POLD3: variants seen among roughly 807,000 people sequenced by gnomAD.
POLD3 encodes DNA polymerase delta subunit 3.
POLD3 carries 19 observed loss-of-function variants against 58.2 expected under a neutral mutation model. That is an observed-to-expected ratio of 0.33 (90% CI 0.23 to 0.48). The LOEUF (loss-of-function observed/expected upper bound fraction) is 0.48, where lower values mean the gene tolerates loss of function less well. Among genes scored for constraint, POLD3 ranks in the 20% least tolerant of loss-of-function variants. The pLI, the probability that POLD3 is intolerant of heterozygous loss-of-function variation, is 0.99. For synonymous variants in POLD3, 172 were observed against 193.5 expected, an observed-to-expected ratio of 0.89 and a Z score of 0.92; for missense variants, 504 against 545.5, an observed-to-expected ratio of 0.92 and a Z score of 0.76.
chr11:74,631,941 C>T (rs948209849), intron 9 of POLD3, among the ~76,000 whole-genome samples: 3 of 152,094 alleles, frequency 2.0e-5, no homozygotes, highest in African/African-American at 7.2e-5. Flanking sequence ...AGGGACTGTT[C>T]CTTTCTCTTT....
At chr11:74,598,671 G>C (rs2031368292) in intron 2 of POLD3, among the ~76,000 whole-genome samples, 1 of 152,140 alleles carries the variant, frequency 6.6e-6, no homozygotes, top group South Asian at 2.1e-4. Flanking sequence ...GCCTTTAGCT[G>C]GGGCAGTGGA....
chr11:74,637,034 A>G (rs1287169588), intron 11 of POLD3, among the ~76,000 whole-genome samples: 1 of 152,200 alleles, frequency 6.6e-6, no homozygotes, highest in Non-Finnish European at 1.5e-5. Context: ...TTGTGTTTGA[A>G]AAGAGTTGTG....
intron 11 of POLD3, among the ~76,000 whole-genome samples, chr11:74,639,924 A>T (rs982922718): frequency 6.6e-6 from 1 of 152,232 alleles, no homozygotes; most frequent in African/African-American, 2.4e-5. Flanking sequence ...CCTTCATGAT[A>T]CAGACTACTA....
At chr11:74,594,347 C>T (rs2031148390) in intron 2 of POLD3, among the ~76,000 whole-genome samples, 1 of 152,170 alleles carries the variant, frequency 6.6e-6, no homozygotes, top group Admixed American at 6.5e-5. Context: ...GAACACCAGT[C>T]ATACTGAATT....
At chr11:74,599,107 C>T (rs1485799629) in intron 2 of POLD3, among the ~76,000 whole-genome samples, 1 of 152,150 alleles carries the variant, frequency 6.6e-6, no homozygotes, top group Non-Finnish European at 1.5e-5. Flanking sequence ...AACATGGCTT[C>T]CTTTAGCCAT....
intron 7 of POLD3, among the ~76,000 whole-genome samples, chr11:74,622,376 G>A (rs1315107268): frequency 6.6e-6 from 1 of 152,138 alleles, no homozygotes; most frequent in South Asian, 2.1e-4. Context: ...AAAGGGAAAG[G>A]AAAGAAAGAA....
chr11:74,643,980 G>C (rs77274875), downstream of POLD3, among the ~76,000 whole-genome samples: 1 of 152,160 alleles, frequency 6.6e-6, no homozygotes, highest in African/African-American at 2.4e-5. Flanking sequence ...ATAGATTTCT[G>C]TAGCAGAATC....
rs143016757 is a variant in POLD3, at chr11:74,607,042, C to G, written c.219+2248C>G. On this transcript the variant is annotated intron_variant, in intron 3 of 11. Transcript: ENST00000263681. Reference sequence around the variant, plus strand: ...GGAAGCTCTGTGGAACCCTGTAGAACGAACTGACCAAATGTGGATGCTTAC... The same window carrying G: ...GGAAGCTCTGTGGAACCCTGTAGAAGGAACTGACCAAATGTGGATGCTTAC... Among the ~76,000 whole-genome samples, 1,254 of 152,064 alleles carry G rather than the reference C, an allele frequency of 8.2e-3. 13 individuals carry two copies. The highest frequency in any genetic ancestry group is 0.029 in the African/African-American group (1,193 of 41,478).
intron 4 of POLD3, among the ~76,000 whole-genome samples, chr11:74,667,455 G>A (rs972436014): frequency 1.3e-5 from 2 of 152,162 alleles, no homozygotes; most frequent in East Asian, 1.9e-4. Context: ...GTGTGAACCC[G>A]GGGGGCGGAG....
Position 74,594,105 on chromosome 11 carries a change from C to A in POLD3, c.105C>A (p.Asn35Lys). 1 of 1,595,530 alleles carries A rather than the reference C, an allele frequency of 6.3e-7. No homozygotes were observed. The highest frequency in any genetic ancestry group is 8.6e-7 in the Non-Finnish European group (1 of 1,163,356). Residue 35 changes from asparagine (N) to lysine (K), a missense_variant, in exon 2 of 12, where the codon AAC (asparagine) becomes AAA (lysine). By Grantham distance (94) the Asn-to-Lys change is moderately conservative. This residue lies in a region of POLD3 where 119 missense variants were observed against 175.0 expected (regional missense o/e 0.68). Coordinates refer to ENST00000263681, the MANE Select transcript of POLD3 (RefSeq NM_006591.3). ...WLSYTLGVHV[N>K]QAKQMLYDYV... ...GCTATACACTAGGGGTTCATGTTAA[C>A]CAGGCCAAACAGTAAGTCCAATTTA...
At chr11:74,628,044 CT>C (rs2032482266) in intron 8 of POLD3, among the ~76,000 whole-genome samples, 1 of 152,086 alleles carries the variant, frequency 6.6e-6, no homozygotes, top group African/African-American at 2.4e-5. Context: ...TTAACTAGAG[CT>C]GTTCAAATTC....
At chr11:74,656,836 A>G (rs1210290592) in intron 4 of POLD3, among the ~76,000 whole-genome samples, 1 of 151,912 alleles carries the variant, frequency 6.6e-6, no homozygotes, top group Non-Finnish European at 1.5e-5. Flanking sequence ...GGAGAAGAAT[A>G]TGTATTCTGG....
chr11:74,659,237 C>T (rs1213826113), intron 4 of POLD3, among the ~76,000 whole-genome samples: 3 of 152,202 alleles, frequency 2.0e-5, no homozygotes, highest in African/African-American at 7.2e-5. Context: ...CTTTCAGCCA[C>T]AGCTAGAGCA....
intron 3 of POLD3, among the ~76,000 whole-genome samples, chr11:74,605,238 A>G (rs1239207048): frequency 6.6e-6 from 1 of 152,138 alleles, no homozygotes; most frequent in Non-Finnish European, 1.5e-5. Flanking sequence ...TTTTGGCAGG[A>G]GCATAGCTAA....
intron 4 of POLD3, among the ~76,000 whole-genome samples, chr11:74,653,607 C>T (rs962545127): frequency 6.6e-6 from 1 of 151,720 alleles, no homozygotes; most frequent in Non-Finnish European, 1.5e-5. Flanking sequence ...CTAAAATTAC[C>T]AATGAATGTT....
At chr11:74,595,376 A>G (rs1255966224) in intron 2 of POLD3, 1 of 152,046 alleles carries the variant, frequency 6.6e-6, no homozygotes, top group South Asian at 2.1e-4. Flanking sequence ...GCATTTTCCT[A>G]ATGACTAATG....
intron 2 of POLD3, among the ~76,000 whole-genome samples, chr11:74,598,543 G>A (rs1453202848): frequency 6.6e-6 from 1 of 152,162 alleles, no homozygotes; most frequent in East Asian, 1.9e-4. Flanking sequence ...AGTGGGAATG[G>A]CTTATGTCTG....
In POLD3 at chr11:74,624,313, T is replaced by C. The variant is rs569490545; in HGVS notation, c.734-1095T>C. 3.0e-4 allele frequency among the ~76,000 whole-genome samples: 46 copies of C among 152,330 alleles called. 1 individual carries two copies. In the South Asian group the frequency reaches 9.3e-3, roughly 31 times the overall value. ...TTGAAAATGCAAGAGTATGCCATCGTTGGGAAGGTGGATTCCACCATTCGC... is the reference window on the plus strand; with the variant it reads ...TTGAAAATGCAAGAGTATGCCATCGCTGGGAAGGTGGATTCCACCATTCGC... On this transcript the variant is annotated intron_variant, in intron 7 of 11. Transcript: ENST00000263681.
At chr11:74,615,116 T>C (rs1223067865) in intron 5 of POLD3, among the ~76,000 whole-genome samples, 3 of 152,220 alleles carry the variant, frequency 2.0e-5, no homozygotes, top group African/African-American at 7.2e-5. Flanking sequence ...GCCAAAGTAC[T>C]AGTTGTCTGA....
Sources: gnomAD v4.1 joint callset for allele counts (sites outside exome capture counted in the v4.1 genomes callset) on GRCh38, gnomAD v4.1.1 for gene constraint, gnomAD v4.1.1 regional missense constraint, MANE v1.5 for transcripts, NCBI Gene and HGNC (gene_info 2026-07-23, HGNC 2026-07-21) for gene names.